APBB2: variants seen among roughly 807,000 people sequenced by gnomAD.
APBB2 encodes Fe65-like 1.
In APBB2, 38 loss-of-function variants were observed where a neutral mutation model predicts 82.5. The observed-to-expected ratio is 0.46, with a 90% confidence interval of 0.36 to 0.60. The LOEUF is 0.60. Ranked by LOEUF, APBB2 falls within the 20% of genes least tolerant of loss-of-function variation. The pLI, the probability that APBB2 is intolerant of heterozygous loss-of-function variation, is 0.00. For synonymous variants in APBB2, 341 were observed against 368.2 expected (o/e 0.93, Z 0.85); for missense variants, 772 against 972.3 (o/e 0.79, Z 2.74).
intron 1 of APBB2, among the ~76,000 whole-genome samples, chr4:41,167,056 G>A (rs866351920): frequency 6.6e-6 from 1 of 152,082 alleles, no homozygotes; most frequent in South Asian, 2.1e-4. Context: ...CACTAGGTTG[G>A]CTCATAGAAC....
chr4:40,886,706 A>G (rs1385771835), intron 12 of APBB2, among the ~76,000 whole-genome samples: 1 of 152,146 alleles, frequency 6.6e-6, no homozygotes, highest in Non-Finnish European at 1.5e-5. Context: ...GCATTCGGTC[A>G]TTGGCCTCAG....
intron 5 of APBB2, among the ~76,000 whole-genome samples, chr4:41,027,399 ATATAT>A (rs1714848659): frequency 2.6e-5 from 3 of 115,126 alleles, no homozygotes; most frequent in East Asian, 2.8e-4. Context: ...ATATATATAT[ATATAT>A]AACATTTTCA....
chr4:41,000,729 T>C (rs1804973942), intron 6 of APBB2, among the ~76,000 whole-genome samples: 1 of 152,186 alleles, frequency 6.6e-6, no homozygotes, highest in South Asian at 2.1e-4. Flanking sequence ...ACATATCACA[T>C]TCCAGATTAT....
At chr4:41,075,058 AG>A (rs563218658) in intron 3 of APBB2, among the ~76,000 whole-genome samples, 178 of 152,232 alleles carry the variant, frequency 1.2e-3, no homozygotes, top group Non-Finnish European at 2.2e-3. Flanking sequence ...GCTTGAGCCC[AG>A]GAGGGCGATG....
Position 40,864,660 on chromosome 4 carries a change from C to A in APBB2, c.1529+25704G>T, listed in dbSNP as rs74289108. Among the ~76,000 whole-genome samples, 349 of 152,202 alleles carry A rather than the reference C, an allele frequency of 2.3e-3. 8 individuals are homozygous for A. In the East Asian group the frequency reaches 0.057, roughly 25 times the overall value. ...TTTATGCAATATTCAGCAGAAAAAA[C>A]CTCCCACTACTCCAAAGACTGCGGG... On this transcript the variant is annotated intron_variant, in intron 12 of 17. Coordinates refer to ENST00000508593, the MANE Select transcript of APBB2 (RefSeq NM_004307.2).
At position 40,810,202 on chromosome 4, in the gene APBB2, AAAGAG is replaced by A. The variant is rs547968558; in HGVS notation, c.*5885_*5889del. 2.6e-5 allele frequency: 4 copies of A among 152,334 alleles called. No homozygotes were observed. The highest frequency in any genetic ancestry group is 9.6e-5 in the African/African-American group (4 of 41,572). The allele number at this position is 152,334 out of a possible 1,614,324, so 9.4% of individuals were successfully genotyped here. On this transcript the variant is annotated 3_prime_UTR_variant, in exon 18 of 18. Coordinates refer to ENST00000508593, the MANE Select transcript of APBB2 (RefSeq NM_004307.2). ...TTTTACTTTCTTACTTGAAGTGAGAAAAGAGAATGGTGAATTGTATTATAGCGGTA... is the reference window on the plus strand; with the variant it reads ...TTTTACTTTCTTACTTGAAGTGAGAAAATGGTGAATTGTATTATAGCGGTA...
chr4:41,141,583 T>C (rs1038915796), intron 2 of APBB2, among the ~76,000 whole-genome samples: 2 of 152,230 alleles, frequency 1.3e-5, no homozygotes, highest in Admixed American at 1.3e-4. Context: ...AAGAATACTA[T>C]GGCCCCTCCA....
intron 12 of APBB2, among the ~76,000 whole-genome samples, chr4:40,865,875 G>A (rs1240029082): frequency 6.6e-6 from 1 of 152,152 alleles, no homozygotes; most frequent in East Asian, 1.9e-4. Context: ...AAACCACAAT[G>A]AATCACCACT....
Position 40,861,930 on chromosome 4 carries a change from G to A in APBB2, c.1529+28434C>T, listed in dbSNP as rs1762859485. 2.0e-5 allele frequency among the ~76,000 whole-genome samples: 3 copies of A among 152,240 alleles called. No individual in the cohort carries two copies. The South Asian group carries it at 6.2e-4, about 32-fold the overall frequency. ...ATCACCCAACTTTTAAAAGGCATCTGACTTCCTAATTAGAATGAAATATCC... is the reference window on the plus strand; with the variant it reads ...ATCACCCAACTTTTAAAAGGCATCTAACTTCCTAATTAGAATGAAATATCC... On this transcript the variant is annotated intron_variant, in intron 12 of 17. Coordinates refer to ENST00000508593, the MANE Select transcript of APBB2 (RefSeq NM_004307.2).
intron 10 of APBB2, among the ~76,000 whole-genome samples, chr4:40,920,245 C>A (rs1346205568): frequency 6.6e-6 from 1 of 152,166 alleles, no homozygotes; most frequent in Admixed American, 6.5e-5. Context: ...CCCCTGCACA[C>A]CCTCTCTCTT....
intron 6 of APBB2, among the ~76,000 whole-genome samples, chr4:40,955,219 C>T (rs1791282738): frequency 6.6e-6 from 1 of 152,112 alleles, no homozygotes; most frequent in African/African-American, 2.4e-5. Context: ...GGAGAAGGAG[C>T]CAGCCTTGGG....
chr4:41,213,626 ATCCTTCCCTCCGTCCAGCTCTGT>A (rs1779875252), intron 1 of APBB2, among the ~76,000 whole-genome samples: 1 of 152,174 alleles, frequency 6.6e-6, no homozygotes, highest in African/African-American at 2.4e-5. Context: ...GGGTCTCAGC[ATCCTTCCCTCCGTCCAGCTCTGT>A]TCTCGCCGCA....
Position 40,811,784 on chromosome 4 carries a change from G to GAAAC in APBB2, c.*4304_*4307dup, listed in dbSNP as rs553561539. On this transcript the variant is annotated 3_prime_UTR_variant, in exon 18 of 18. Coordinates refer to ENST00000508593, the MANE Select transcript of APBB2 (RefSeq NM_004307.2). Reference sequence around the variant, plus strand: ...ATGAAATTTTGTTACTGACTAGAGAGAAACCACTGTGGAAGTGCAAGATGA... The same window carrying GAAAC: ...ATGAAATTTTGTTACTGACTAGAGAGAAACAAACCACTGTGGAAGTGCAAGATGA... 167 of 152,288 alleles carry GAAAC rather than the reference G, an allele frequency of 1.1e-3. 1 individual carries two copies. Among genetic ancestry groups the GAAAC allele is most frequent in the African/African-American group, 3.7e-3 (155 of 41,566 alleles). The allele number at this position is 152,288 out of a possible 1,614,324, so 9.4% of individuals were successfully genotyped here.
Position 41,056,188 on chromosome 4 carries a change from T to A in APBB2, c.-51+9388A>T, listed in dbSNP as rs28564925. Among the ~76,000 whole-genome samples the A allele has an allele frequency of 7.8e-3, 1,188 of 151,906 alleles. 15 individuals carry two copies. The highest frequency in any genetic ancestry group is 0.026 in the African/African-American group (1,078 of 41,424). ...AGAGCTAAACTCCATCTCAAAAAAA[T>A]AAATAAATAAATAAATATAAAAAAT... On this transcript the variant is annotated intron_variant, in intron 4 of 17. Coordinates refer to ENST00000508593, the MANE Select transcript of APBB2 (RefSeq NM_004307.2).
intron 12 of APBB2, among the ~76,000 whole-genome samples, chr4:40,876,217 T>C (rs951150438): frequency 6.6e-6 from 1 of 152,246 alleles, no homozygotes; most frequent in African/African-American, 2.4e-5. Context: ...TTGAGTATAA[T>C]TGATACACAA....
At chr4:41,035,890 G>C (rs756262552) in intron 4 of APBB2, among the ~76,000 whole-genome samples, 2 of 152,146 alleles carry the variant, frequency 1.3e-5, no homozygotes, top group Non-Finnish European at 2.9e-5. Context: ...TATACGGAAG[G>C]GGCAGGTACA....
In APBB2 at chr4:40,966,404, C is replaced by T. The variant is rs1208682149; in HGVS notation, c.836-21331G>A. 7.2e-5 allele frequency among the ~76,000 whole-genome samples: 11 copies of T among 152,198 alleles called. No homozygotes were observed. The East Asian group carries it at 2.1e-3, about 29-fold the overall frequency. On this transcript the variant is annotated intron_variant, in intron 6 of 17. Coordinates refer to ENST00000508593, the MANE Select transcript of APBB2 (RefSeq NM_004307.2). ...GCATGGCCAGGGCTGTGGACTCCAC[C>T]AGCCAGAGGGAGTTGGGAACAGGTG...
intron 5 of APBB2, among the ~76,000 whole-genome samples, chr4:41,024,199 C>T (rs1220684171): frequency 6.6e-6 from 1 of 152,166 alleles, no homozygotes; most frequent in Non-Finnish European, 1.5e-5. Context: ...GAATTAAACA[C>T]TTAAATGTAC....
At chr4:40,922,012 A>T (rs191548227) in intron 10 of APBB2, among the ~76,000 whole-genome samples, 79 of 152,328 alleles carry the variant, frequency 5.2e-4, no homozygotes, top group African/African-American at 1.8e-3. Flanking sequence ...CAGAGGGGGA[A>T]CTAAGCATGT....
Sources: gnomAD v4.1 joint callset for allele counts (sites outside exome capture counted in the v4.1 genomes callset) on GRCh38, gnomAD v4.1.1 for gene constraint, MANE v1.5 for transcripts, NCBI Gene and HGNC (gene_info 2026-07-23, HGNC 2026-07-21) for gene names.